Variants in CCSER1 observed in about 807,000 individuals in gnomAD.
The protein encoded by CCSER1 is coiled-coil serine rich protein 1.
Under a neutral mutation model 82.0 loss-of-function variants are expected in CCSER1, and 41 were observed. That is an observed-to-expected ratio of 0.50 (90% CI 0.39 to 0.65). CCSER1 has a LOEUF of 0.65. Ranked by LOEUF, CCSER1 falls within the 30% of genes least tolerant of loss-of-function variation. CCSER1 has a pLI of 0.00. For missense variants in CCSER1, 1,119 were observed against 1,064.2 expected (o/e 1.05, Z -0.72); for synonymous variants, 414 against 383.9 (o/e 1.08, Z -0.92).
intron 10 of CCSER1, among the ~76,000 whole-genome samples, chr4:91,374,242 T>C (rs534655611): frequency 1.3e-5 from 2 of 152,292 alleles, no homozygotes; most frequent in Admixed American, 1.3e-4. Context: ...AGGTTTGTAT[T>C]GGAAGAAGAT....
chr4:90,209,047 T>C (rs1739456947), intron 1 of CCSER1, among the ~76,000 whole-genome samples: 2 of 152,192 alleles, frequency 1.3e-5, no homozygotes, highest in Non-Finnish European at 2.9e-5. Flanking sequence ...AATATTTGCC[T>C]GAGATAATTT....
intron 10 of CCSER1, among the ~76,000 whole-genome samples, chr4:91,113,232 A>G (rs1342884426): frequency 2.0e-5 from 3 of 152,206 alleles, no homozygotes; most frequent in Non-Finnish European, 4.4e-5. Context: ...ACATTTGTTG[A>G]TACAACAAAC....
intron 6 of CCSER1, among the ~76,000 whole-genome samples, chr4:90,660,632 T>C: frequency 6.6e-6 from 1 of 150,518 alleles, no homozygotes; most frequent in East Asian, 1.9e-4. Flanking sequence ...AAGGGCAACA[T>C]TATTATGTTT....
intron 6 of CCSER1, among the ~76,000 whole-genome samples, chr4:90,692,734 T>A (rs1043959337): frequency 4.0e-5 from 6 of 151,874 alleles, no homozygotes; most frequent in African/African-American, 1.4e-4. Context: ...AATAAACATG[T>A]CTAGACTTTA....
intron 9 of CCSER1, among the ~76,000 whole-genome samples, chr4:91,051,801 T>G (rs1018935427): frequency 2.6e-5 from 4 of 152,180 alleles, no homozygotes; most frequent in African/African-American, 9.6e-5. Flanking sequence ...TATTTTAATT[T>G]GTGCATAATA....
At chr4:90,778,536 A>AAAT (rs1399975758) in intron 7 of CCSER1, among the ~76,000 whole-genome samples, 2 of 150,320 alleles carry the variant, frequency 1.3e-5, no homozygotes, top group South Asian at 4.2e-4. Flanking sequence ...TTAAAAAAAA[A>AAAT]AAAACACAAA....
intron 10 of CCSER1, among the ~76,000 whole-genome samples, chr4:91,294,121 G>A (rs1374414464): frequency 6.6e-6 from 1 of 151,860 alleles, no homozygotes; most frequent in Non-Finnish European, 1.5e-5. Flanking sequence ...CTGACTTCTT[G>A]ATATTACAAG....
intron 7 of CCSER1, among the ~76,000 whole-genome samples, chr4:90,789,801 C>T (rs1206902164): frequency 6.6e-6 from 1 of 152,160 alleles, no homozygotes. Flanking sequence ...ACTGTAAGCC[C>T]ATTAAACTTC....
At chr4:90,446,003 G>A (rs1760594855) in intron 4 of CCSER1, among the ~76,000 whole-genome samples, 1 of 152,130 alleles carries the variant, frequency 6.6e-6, no homozygotes, top group Admixed American at 6.6e-5. Flanking sequence ...TTATTGCTCT[G>A]AATATCTTGG....
chr4:90,814,929 A>C (rs898985127), intron 7 of CCSER1, among the ~76,000 whole-genome samples: 4 of 152,092 alleles, frequency 2.6e-5, no homozygotes, highest in African/African-American at 9.7e-5. Flanking sequence ...CCCATTACCC[A>C]GTTTCAAAGG....
intron 10 of CCSER1, among the ~76,000 whole-genome samples, chr4:91,512,776 T>C (rs1759895612): frequency 6.6e-6 from 1 of 152,174 alleles, no homozygotes; most frequent in Admixed American, 6.5e-5. Flanking sequence ...ATGTTATTGA[T>C]GTATAGATAT....
intron 8 of CCSER1, among the ~76,000 whole-genome samples, chr4:90,915,622 T>C (rs1380552827): frequency 6.6e-6 from 1 of 152,124 alleles, no homozygotes; most frequent in Non-Finnish European, 1.5e-5. Flanking sequence ...GGATGCCCTC[T>C]CTCACCACTC....
chr4:91,440,348 T>C (rs1246889841), intron 10 of CCSER1, among the ~76,000 whole-genome samples: 1 of 152,048 alleles, frequency 6.6e-6, no homozygotes, highest in Non-Finnish European at 1.5e-5. Context: ...AACTGAACAA[T>C]CTGCTCCTGA....
At chr4:91,037,652 GT>G (rs1485587699) in intron 9 of CCSER1, among the ~76,000 whole-genome samples, 1 of 151,838 alleles carries the variant, frequency 6.6e-6, no homozygotes, top group Admixed American at 6.6e-5. Flanking sequence ...TTTCTGTGAT[GT>G]TTTTTGTATT....
intron 7 of CCSER1, among the ~76,000 whole-genome samples, chr4:90,768,072 G>C (rs1051288395): frequency 1.3e-5 from 2 of 152,142 alleles, no homozygotes; most frequent in African/African-American, 2.4e-5. Context: ...CACATGAATA[G>C]AATATGGAAG....
chr4:91,478,969 T>C (rs909736848), intron 10 of CCSER1, among the ~76,000 whole-genome samples: 7 of 152,006 alleles, frequency 4.6e-5, no homozygotes, highest in African/African-American at 1.7e-4. Context: ...TGTTTGTGAC[T>C]TTATTTTTTT....
chr4:90,623,208 G>A (rs1321234772), intron 5 of CCSER1, among the ~76,000 whole-genome samples: 3 of 148,082 alleles, frequency 2.0e-5, no homozygotes, highest in African/African-American at 7.7e-5. Flanking sequence ...TTTTTTTTTT[G>A]TATTTTTAGT....
intron 10 of CCSER1, among the ~76,000 whole-genome samples, chr4:91,210,431 TAAA>T (rs971200735): frequency 6.6e-6 from 1 of 150,884 alleles, no homozygotes; most frequent in African/African-American, 2.4e-5. Context: ...GGACAATTAA[TAAA>T]AAAAGAGTTA....
chr4:90,861,128 T>C (rs531590548), intron 8 of CCSER1, among the ~76,000 whole-genome samples: 1 of 151,680 alleles, frequency 6.6e-6, no homozygotes, highest in Non-Finnish European at 1.5e-5. Flanking sequence ...AGGATAGTAA[T>C]GCACAGGGAT....
Sources: allele counts gnomAD v4.1 joint callset (sites outside exome capture counted in the v4.1 genomes callset), GRCh38; gene constraint gnomAD v4.1.1; transcripts MANE v1.5; gene names NCBI Gene and HGNC (gene_info 2026-07-23, HGNC 2026-07-21).